PLEKHA5: variants seen among roughly 807,000 people sequenced by gnomAD.
PLEKHA5 encodes the protein pleckstrin homology domain-containing family A member 5.
A neutral mutation model predicts 181.9 loss-of-function variants in PLEKHA5; 55 were observed. The ratio of observed to expected loss-of-function variants is 0.30; its 90% confidence interval spans 0.24 to 0.38. The LOEUF (loss-of-function observed/expected upper bound fraction) is 0.38. Among genes scored for constraint, PLEKHA5 ranks in the 10% least tolerant of loss-of-function variants. The pLI, the probability that PLEKHA5 is intolerant of heterozygous loss-of-function variation, is 1.00. For synonymous variants in PLEKHA5, 535 were observed against 529.4 expected (o/e 1.01, Z -0.15); for missense variants, 1,432 against 1,549.5 (o/e 0.92, Z 1.27).
At chr12:19,252,325 C>G (rs2065558371) in intron 3 of PLEKHA5, among the ~76,000 whole-genome samples, 1 of 152,096 alleles carries the variant, frequency 6.6e-6, no homozygotes, top group South Asian at 2.1e-4. Context: ...CAAAAGAAAA[C>G]TAATATTCAA....
At chr12:19,268,522 G>A (rs1376641238) in intron 8 of PLEKHA5, among the ~76,000 whole-genome samples, 2 of 152,188 alleles carry the variant, frequency 1.3e-5, no homozygotes, top group Non-Finnish European at 1.5e-5. Context: ...TCCTCTGAAT[G>A]TATGAGCTGC....
intron 2 of PLEKHA5, among the ~76,000 whole-genome samples, chr12:19,131,225 G>C (rs149861529): frequency 0.014 from 2,104 of 152,250 alleles, 158 homozygotes; most frequent in Admixed American, 0.13. Flanking sequence ...CATTCTCTCG[G>C]ACTCTGACAT....
intron 3 of PLEKHA5, among the ~76,000 whole-genome samples, chr12:19,227,286 C>CTT (rs79530115): frequency 9.3e-4 from 122 of 131,402 alleles, no homozygotes; most frequent in African/African-American, 2.9e-3. Flanking sequence ...CTAGTGATTT[C>CTT]TTTTTTTTTT....
intron 3 of PLEKHA5, among the ~76,000 whole-genome samples, chr12:19,183,881 T>C (rs10841174): frequency 0.89 from 135,108 of 151,950 alleles, 60,881 homozygotes; most frequent in Non-Finnish European, 0.97. Context: ...GCCCAGCTAA[T>C]TTTTGTGTTT....
intron 12 of PLEKHA5, 130 bp downstream of exon 12, chr12:19,283,875 T>TA: frequency 1.6e-6 from 1 of 608,832 alleles, no homozygotes; most frequent in Non-Finnish European, 2.9e-6. Context: ...TTTTTTGTTT[T>TA]AAAAAATAAA....
intron 3 of PLEKHA5, among the ~76,000 whole-genome samples, chr12:19,180,029 A>T (rs1485093349): frequency 6.6e-6 from 1 of 152,196 alleles, no homozygotes; most frequent in East Asian, 1.9e-4. Flanking sequence ...TTATATGAAA[A>T]GACTTGTAAA....
chr12:19,158,057 G>A (rs1432457300), intron 3 of PLEKHA5, among the ~76,000 whole-genome samples: 1 of 152,040 alleles, frequency 6.6e-6, no homozygotes, highest in Non-Finnish European at 1.5e-5. Flanking sequence ...AAAAATTTAA[G>A]TTTGGCGGGT....
chr12:19,181,296 A>G (rs1312872943), intron 3 of PLEKHA5, among the ~76,000 whole-genome samples: 1 of 152,232 alleles, frequency 6.6e-6, no homozygotes, highest in Admixed American at 6.5e-5. Flanking sequence ...TAAATGAAGT[A>G]GAACAACAGT....
chr12:19,325,771 G>A (rs2091955644), intron 20 of PLEKHA5, among the ~76,000 whole-genome samples: 2 of 151,990 alleles, frequency 1.3e-5, no homozygotes, highest in Non-Finnish European at 2.9e-5. Flanking sequence ...CACTTTGGGA[G>A]GCCAAGGCAG....
chr12:19,319,957 A>G, intron 16 of PLEKHA5, 64 bp from the exon 17 acceptor site: 1 of 1,107,088 alleles, frequency 9.0e-7, no homozygotes, highest in Non-Finnish European at 1.3e-6. Context: ...TTTCAGTTTT[A>G]TAAGATTTCG....
At chr12:19,212,615 A>G (rs1238822719) in intron 3 of PLEKHA5, among the ~76,000 whole-genome samples, 2 of 152,194 alleles carry the variant, frequency 1.3e-5, no homozygotes, top group Admixed American at 6.5e-5. Context: ...CAGGAGGCAG[A>G]CAGGGCAAAA....
At chr12:19,333,738 A>G (rs1032498852) in intron 20 of PLEKHA5, among the ~76,000 whole-genome samples, 5 of 150,786 alleles carry the variant, frequency 3.3e-5, no homozygotes, top group Non-Finnish European at 7.4e-5. Flanking sequence ...CCTCCCAAGT[A>G]GCTGGGACTA....
chr12:19,273,583 G>C (rs576361963), intron 10 of PLEKHA5, among the ~76,000 whole-genome samples: 1 of 152,214 alleles, frequency 6.6e-6, no homozygotes, highest in South Asian at 2.1e-4. Context: ...GATCTTGGCA[G>C]TTTCGTGCAG....
intron 20 of PLEKHA5, among the ~76,000 whole-genome samples, chr12:19,326,910 A>T (rs2092193580): frequency 1.3e-5 from 2 of 152,280 alleles, no homozygotes; most frequent in South Asian, 4.1e-4. Context: ...ATTCTTTGTT[A>T]TGGTTGTGTA....
intron 3 of PLEKHA5, among the ~76,000 whole-genome samples, chr12:19,186,883 G>T (rs2049992650): frequency 6.6e-6 from 1 of 152,118 alleles, no homozygotes; most frequent in South Asian, 2.1e-4. Flanking sequence ...TGTTAAATCA[G>T]AAGGTCGAGG....
At chr12:19,198,266 C>T (rs930793676) in intron 3 of PLEKHA5, among the ~76,000 whole-genome samples, 5 of 152,190 alleles carry the variant, frequency 3.3e-5, no homozygotes, top group African/African-American at 9.7e-5. Flanking sequence ...GTTGACTTTT[C>T]TACTTCTACA....
chr12:19,343,302 T>C, intron 21 of PLEKHA5, 21 bp from the exon 22 acceptor site: 1 of 1,454,300 alleles, frequency 6.9e-7, no homozygotes. Context: ...TTATATATGG[T>C]CTATCCATTT....
intron 21 of PLEKHA5, among the ~76,000 whole-genome samples, chr12:19,341,650 A>G (rs1250346964): frequency 1.3e-5 from 2 of 151,950 alleles, no homozygotes; most frequent in African/African-American, 4.8e-5. Context: ...CTTTAGGCTT[A>G]TAGACTTTTC....
intron 3 of PLEKHA5, among the ~76,000 whole-genome samples, chr12:19,233,090 A>C (rs1395909868): frequency 6.6e-6 from 1 of 152,176 alleles, no homozygotes; most frequent in Non-Finnish European, 1.5e-5. Context: ...TGAGGATATG[A>C]GAGAGAGAAA....
Sources: allele counts gnomAD v4.1 joint callset (sites outside exome capture counted in the v4.1 genomes callset), GRCh38; gene constraint gnomAD v4.1.1; transcripts MANE v1.5; gene names NCBI Gene and HGNC (gene_info 2026-07-23, HGNC 2026-07-21).